SH3GL2: variants seen among roughly 807,000 people sequenced by gnomAD.
SH3GL2 encodes the protein endophilin-A1.
In SH3GL2, 24 loss-of-function variants were observed where a neutral mutation model predicts 46.0. That is an observed-to-expected ratio of 0.52 (90% CI 0.38 to 0.73). The LOEUF is 0.73. Ranked by LOEUF, SH3GL2 falls within the 30% of genes least tolerant of loss-of-function variation. The pLI is 0.00. For synonymous variants in SH3GL2, 196 were observed against 147.1 expected (o/e 1.33, Z -2.40); for missense variants, 413 against 424.2 (o/e 0.97, Z 0.23).
chr9:17,587,769 T>G (rs1818407974), intron 1 of SH3GL2, among the ~76,000 whole-genome samples: 2 of 152,056 alleles, frequency 1.3e-5, no homozygotes, highest in African/African-American at 4.8e-5. Flanking sequence ...TCCCAGCTAC[T>G]CGGGAGGCTG....
intron 1 of SH3GL2, among the ~76,000 whole-genome samples, chr9:17,696,774 C>G (rs1442756786): frequency 3.3e-5 from 5 of 152,250 alleles, no homozygotes; most frequent in Non-Finnish European, 7.3e-5. Flanking sequence ...GGGGACACAG[C>G]CAAACCATAT....
chr9:17,648,133 C>G (rs537197138), intron 1 of SH3GL2, among the ~76,000 whole-genome samples: 2 of 152,286 alleles, frequency 1.3e-5, no homozygotes, highest in South Asian at 4.1e-4. Context: ...GGCAAGTCTT[C>G]CAGTTAACAG....
intron 1 of SH3GL2, among the ~76,000 whole-genome samples, chr9:17,726,515 G>A (rs1054204145): frequency 1.3e-5 from 2 of 152,242 alleles, no homozygotes; most frequent in African/African-American, 4.8e-5. Context: ...TTTTGACTCT[G>A]CTGACCCAGC....
chr9:17,624,238 A>G (rs1405450814), intron 1 of SH3GL2, among the ~76,000 whole-genome samples: 2 of 152,174 alleles, frequency 1.3e-5, no homozygotes, highest in African/African-American at 4.8e-5. Flanking sequence ...ATCGGTGGCG[A>G]TGATTTTTAA....
At chr9:17,774,554 T>C (rs1007366469) in intron 3 of SH3GL2, among the ~76,000 whole-genome samples, 4 of 151,900 alleles carry the variant, frequency 2.6e-5, no homozygotes, top group African/African-American at 7.2e-5. Flanking sequence ...GTGTGTGGTT[T>C]TTTTTTTTAC....
At chr9:17,662,327 T>C (rs1039336789) in intron 1 of SH3GL2, among the ~76,000 whole-genome samples, 2 of 152,168 alleles carry the variant, frequency 1.3e-5, no homozygotes, top group African/African-American at 4.8e-5. Flanking sequence ...GTGGTCAGCA[T>C]AGTATAGAAG....
chr9:17,579,144 C>G lies in SH3GL2; in HGVS notation c.-99C>G, dbSNP rs1368802605. On this transcript the variant is annotated 5_prime_UTR_variant, in exon 1 of 9. Coordinates refer to ENST00000380607, the MANE Select transcript of SH3GL2 (RefSeq NM_003026.5). ...GCCCATAGCCCCGGCGGCGGCACGA[C>G]CAGAGGCGGCCAGGGGAGCGCGCCG... The G allele has an allele frequency of 2.5e-6, 2 of 798,362 alleles. No individual in the cohort carries two copies. Among genetic ancestry groups the G allele is most frequent in the Non-Finnish European group, 3.7e-6 (2 of 547,620 alleles). 49.5% of individuals were successfully genotyped at this position (798,362 alleles called of 1,614,324 possible).
intron 1 of SH3GL2, among the ~76,000 whole-genome samples, chr9:17,611,453 T>G (rs1201956719): frequency 6.6e-6 from 1 of 152,208 alleles, no homozygotes; most frequent in Non-Finnish European, 1.5e-5. Context: ...CATTTAGAAC[T>G]TTATTGGCTT....
chr9:17,651,993 A>T (rs937698704), intron 1 of SH3GL2, among the ~76,000 whole-genome samples: 1 of 152,134 alleles, frequency 6.6e-6, no homozygotes, highest in African/African-American at 2.4e-5. Context: ...AGCCTTTTCA[A>T]AATACCACTT....
At chr9:17,702,874 T>G (rs906026151) in intron 1 of SH3GL2, among the ~76,000 whole-genome samples, 1 of 152,110 alleles carries the variant, frequency 6.6e-6, no homozygotes, top group Non-Finnish European at 1.5e-5. Context: ...TGCTTCCCCC[T>G]TTCAGTGTTC....
chr9:17,616,174 A>G (rs964237693), intron 1 of SH3GL2, among the ~76,000 whole-genome samples: 1 of 152,212 alleles, frequency 6.6e-6, no homozygotes, highest in Non-Finnish European at 1.5e-5. Context: ...AGTATCACAC[A>G]GTAGATGAAG....
chr9:17,674,639 C>A (rs1357101237), intron 1 of SH3GL2, among the ~76,000 whole-genome samples: 1 of 152,054 alleles, frequency 6.6e-6, no homozygotes, highest in Non-Finnish European at 1.5e-5. Flanking sequence ...CTGGATGTTT[C>A]TTCTTTTTGT....
At chr9:17,723,086 G>A (rs1821935754) in intron 1 of SH3GL2, among the ~76,000 whole-genome samples, 1 of 152,020 alleles carries the variant, frequency 6.6e-6, no homozygotes, top group African/African-American at 2.4e-5. Context: ...ACAGAAAAAT[G>A]TTTTCCAGAT....
chr9:17,754,155 T>C (rs1357855390), intron 2 of SH3GL2, among the ~76,000 whole-genome samples: 1 of 152,214 alleles, frequency 6.6e-6, no homozygotes, highest in Non-Finnish European at 1.5e-5. Context: ...TTGCCTTGGC[T>C]ATTCAGGCTC....
At chr9:17,734,507 G>A (rs1355839861) in intron 1 of SH3GL2, among the ~76,000 whole-genome samples, 1 of 152,082 alleles carries the variant, frequency 6.6e-6, no homozygotes, top group African/African-American at 2.4e-5. Context: ...AAGTTAAGAG[G>A]TAAGACATTT....
intron 1 of SH3GL2, among the ~76,000 whole-genome samples, chr9:17,622,033 T>G (rs913339270): frequency 2.0e-5 from 3 of 152,212 alleles, no homozygotes; most frequent in Non-Finnish European, 4.4e-5. Flanking sequence ...GAGATCTGTC[T>G]TCTTTTGATT....
At chr9:17,779,328 G>A (rs1006164490) in intron 3 of SH3GL2, among the ~76,000 whole-genome samples, 3 of 152,124 alleles carry the variant, frequency 2.0e-5, no homozygotes, top group Non-Finnish European at 4.4e-5. Flanking sequence ...GGAGACTTAG[G>A]GGTTTCCATC....
chr9:17,604,977 ATTTTT>A (rs138726944), intron 1 of SH3GL2, among the ~76,000 whole-genome samples: 2 of 137,494 alleles, frequency 1.5e-5, no homozygotes, highest in African/African-American at 2.7e-5. Context: ...TTCACAAGTC[ATTTTT>A]TTTTTTTTTT....
At chr9:17,723,560 T>G (rs1249438358) in intron 1 of SH3GL2, among the ~76,000 whole-genome samples, 1 of 152,164 alleles carries the variant, frequency 6.6e-6, no homozygotes, top group Non-Finnish European at 1.5e-5. Context: ...ACTTTCAAAC[T>G]GTGTAACAGG....
Sources: allele counts gnomAD v4.1 joint callset (sites outside exome capture counted in the v4.1 genomes callset), GRCh38; gene constraint gnomAD v4.1.1; transcripts MANE v1.5; gene names NCBI Gene and HGNC (gene_info 2026-07-23, HGNC 2026-07-21).